The following SLC71A2 variants were observed in gnomAD, a reference collection of about 807,000 sequenced individuals.
SLC71A2 encodes solute carrier family 71 member 2.
At chr9:94,459,511 GGCATCCTTCAGGGCCAA>G in the SLC71A2 span, 1 of 1,334,006 alleles carries the variant, frequency 7.5e-7, no homozygotes, top group African/African-American at 1.5e-5. Flanking sequence ...AGACGCTAGC[GGCATCCTTCAGGGCCAA>G]GTTTGATAAA....
the SLC71A2 span, among the ~76,000 whole-genome samples, chr9:94,408,341 T>C: frequency 6.6e-6 from 1 of 151,996 alleles, no homozygotes; most frequent in Non-Finnish European, 1.5e-5. Context: ...CTGTATAGGG[T>C]TTGGTACTTT....
the SLC71A2 span, among the ~76,000 whole-genome samples, chr9:94,399,865 G>A: frequency 6.6e-6 from 1 of 151,476 alleles, no homozygotes; most frequent in Non-Finnish European, 1.5e-5. Flanking sequence ...GAGTGCAATG[G>A]TGCGATCTCG....
At chr9:94,452,681 ATATTC>A in the SLC71A2 span, among the ~76,000 whole-genome samples, 1 of 125,678 alleles carries the variant, frequency 8.0e-6, no homozygotes, top group Non-Finnish European at 1.8e-5. Context: ...ATATATTCAT[ATATTC>A]ATATATATTC....
chr9:94,415,239 A>C, the SLC71A2 span: 10 of 1,612,292 alleles, frequency 6.2e-6, no homozygotes, highest in Non-Finnish European at 7.6e-6. Context: ...CCTGTTGACA[A>C]CTCCAATGTT....
the SLC71A2 span, among the ~76,000 whole-genome samples, chr9:94,386,086 T>A: frequency 1.3e-5 from 2 of 152,152 alleles, no homozygotes; most frequent in East Asian, 3.8e-4. Context: ...TAGTAAGTCT[T>A]CCTTCCTGTG....
At chr9:94,441,123 T>A in the SLC71A2 span, 5 of 1,306,518 alleles carry the variant, frequency 3.8e-6, no homozygotes, top group South Asian at 5.4e-5. Context: ...CTATATATAT[T>A]TTTTAACCAG....
the SLC71A2 span, among the ~76,000 whole-genome samples, chr9:94,379,895 A>AT: frequency 1.3e-5 from 2 of 152,138 alleles, no homozygotes; most frequent in South Asian, 4.2e-4. Context: ...GAATACATTA[A>AT]TTTTTTCTTA....
the SLC71A2 span, chr9:94,445,279 T>C: frequency 3.2e-5 from 31 of 977,922 alleles, no homozygotes; most frequent in South Asian, 5.0e-4. Flanking sequence ...CTAGCAGTTG[T>C]TGACTTATTT....
chr9:94,451,094 G>A, the SLC71A2 span, among the ~76,000 whole-genome samples: 1 of 152,134 alleles, frequency 6.6e-6, no homozygotes, highest in Non-Finnish European at 1.5e-5. Flanking sequence ...CACTGGCTTT[G>A]CTAATGAGCA....
the SLC71A2 span, chr9:94,415,261 T>C: frequency 3.8e-6 from 6 of 1,597,750 alleles, no homozygotes; most frequent in South Asian, 3.3e-5. Context: ...ACTGTAAGTA[T>C]TGCTGAACTG....
At chr9:94,430,817 T>C in the SLC71A2 span, among the ~76,000 whole-genome samples, 2 of 152,232 alleles carry the variant, frequency 1.3e-5, no homozygotes, top group African/African-American at 4.8e-5. Flanking sequence ...AGAGTATGTG[T>C]ATGTAAAATC....
At chr9:94,404,309 T>C in the SLC71A2 span, among the ~76,000 whole-genome samples, 2 of 152,076 alleles carry the variant, frequency 1.3e-5, no homozygotes, top group Non-Finnish European at 2.9e-5. Flanking sequence ...TTTTTGTTTT[T>C]TTGGGGGACA....
the SLC71A2 span, chr9:94,458,269 T>C: frequency 2.6e-6 from 4 of 1,559,516 alleles, no homozygotes; most frequent in Middle Eastern, 2.2e-4. Context: ...CAGCTCCAAA[T>C]CTTGAGATGC....
chr9:94,455,156 C>CTTTTT, the SLC71A2 span, among the ~76,000 whole-genome samples: 27 of 27,682 alleles, frequency 9.8e-4, 2 homozygotes, highest in Admixed American at 3.2e-3. Flanking sequence ...TTGCTCTTTC[C>CTTTTT]TTTTTTTTTT....
the SLC71A2 span, among the ~76,000 whole-genome samples, chr9:94,392,724 C>T: frequency 6.6e-6 from 1 of 152,188 alleles, no homozygotes; most frequent in East Asian, 1.9e-4. Flanking sequence ...TGATCTCAAT[C>T]TCTTGACCTT....
the SLC71A2 span, among the ~76,000 whole-genome samples, chr9:94,417,751 T>G: frequency 6.6e-6 from 1 of 152,128 alleles, no homozygotes; most frequent in Non-Finnish European, 1.5e-5. Context: ...TTCTGTAGAT[T>G]AATGCTTTTC....
chr9:94,452,033 G>A, the SLC71A2 span, among the ~76,000 whole-genome samples: 6 of 152,146 alleles, frequency 3.9e-5, no homozygotes, highest in Non-Finnish European at 8.8e-5. Context: ...CAGAAAAGAT[G>A]ATTTAGGAGA....
the SLC71A2 span, among the ~76,000 whole-genome samples, chr9:94,391,362 TAAAA>T: frequency 2.3e-5 from 3 of 130,386 alleles, no homozygotes; most frequent in Non-Finnish European, 3.3e-5. Context: ...GACTCTGTCT[TAAAA>T]AAAAAAAAAA....
the SLC71A2 span, among the ~76,000 whole-genome samples, chr9:94,445,407 GTTAA>G: frequency 2.0e-5 from 3 of 152,140 alleles, no homozygotes; most frequent in Admixed American, 2.0e-4. Context: ...AAAATGTCTA[GTTAA>G]TTCTTGGTGA....
Sources: allele counts gnomAD v4.1 joint callset (sites outside exome capture counted in the v4.1 genomes callset), GRCh38; gene constraint gnomAD v4.1.1; transcripts MANE v1.5; gene names NCBI Gene and HGNC (gene_info 2026-07-23, HGNC 2026-07-21).